PCDH9: variants seen among roughly 807,000 people sequenced by gnomAD.
The protein encoded by PCDH9 is protocadherin 9, also known as protocadherin-9.
PCDH9 carries 24 observed loss-of-function variants against 70.6 expected under a neutral mutation model. That is an observed-to-expected ratio of 0.34 (90% CI 0.25 to 0.48). PCDH9 has a LOEUF of 0.48. Among genes scored for constraint, PCDH9 ranks in the 20% least tolerant of loss-of-function variants. PCDH9 has a pLI of 0.99. For synonymous variants in PCDH9, 562 were observed against 558.5 expected (o/e 1.01, Z -0.09); for missense variants, 1,281 against 1,503.6 (o/e 0.85, Z 2.45).
intron 3 of PCDH9, among the ~76,000 whole-genome samples, chr13:66,660,765 TATC>T (rs1021845547): frequency 2.7e-5 from 4 of 149,722 alleles, no homozygotes; most frequent in South Asian, 2.1e-4. Flanking sequence ...TCAGTTTAAA[TATC>T]ATATTTAACA....
chr13:66,330,124 A>G lies in PCDH9; in HGVS notation c.3341-25096T>C, dbSNP rs544733772. Among the ~76,000 whole-genome samples the G allele has an allele frequency of 1.2e-4, 18 of 152,300 alleles. 1 individual carries two copies. The highest frequency in any genetic ancestry group is 4.1e-4 in the African/African-American group (17 of 41,578). On this transcript the variant is annotated intron_variant, in intron 4 of 4. Coordinates refer to ENST00000377865, the MANE Select transcript of PCDH9 (RefSeq NM_203487.3). ...TTGCACTCCACCACTTCATTCCCTT[A>G]CATGCCACTTGCACATGGCATGAAT...
chr13:66,980,602 T>A (rs1236218431), intron 2 of PCDH9, among the ~76,000 whole-genome samples: 5 of 152,008 alleles, frequency 3.3e-5, no homozygotes, highest in Admixed American at 3.3e-4. Context: ...TATGTTTTTA[T>A]TTTTCCATTA....
intron 4 of PCDH9, among the ~76,000 whole-genome samples, chr13:66,470,060 C>T (rs545104672): frequency 3.3e-5 from 5 of 152,258 alleles, no homozygotes; most frequent in African/African-American, 1.2e-4. Flanking sequence ...TCCTTTTCTT[C>T]TCTGTGCTTT....
At chr13:66,447,388 A>G (rs1352691685) in intron 4 of PCDH9, among the ~76,000 whole-genome samples, 3 of 152,082 alleles carry the variant, frequency 2.0e-5, no homozygotes, top group African/African-American at 7.2e-5. Flanking sequence ...TGCTTCAAAA[A>G]ATATAACTGG....
chr13:66,413,558 C>T (rs188769798), intron 4 of PCDH9, among the ~76,000 whole-genome samples: 2,401 of 151,798 alleles, frequency 0.016, 53 homozygotes, highest in African/African-American at 0.047. Flanking sequence ...TGGTGGTGGG[C>T]GCCTGTAGTC....
chr13:66,853,677 T>TA (rs1337715704), intron 3 of PCDH9, among the ~76,000 whole-genome samples: 1 of 152,096 alleles, frequency 6.6e-6, no homozygotes, highest in Non-Finnish European at 1.5e-5. Context: ...TGTGTTTATA[T>TA]AGAAAATTTC....
chr13:67,177,329 GA>G (rs1167652321), intron 2 of PCDH9, among the ~76,000 whole-genome samples: 1 of 151,860 alleles, frequency 6.6e-6, no homozygotes, highest in Non-Finnish European at 1.5e-5. Context: ...CAATTTTCTT[GA>G]AAAAACTCTT....
At chr13:66,379,193 C>T (rs1032675894) in intron 4 of PCDH9, among the ~76,000 whole-genome samples, 1 of 152,160 alleles carries the variant, frequency 6.6e-6, no homozygotes, top group African/African-American at 2.4e-5. Context: ...CACCTCTCTC[C>T]GGCCATCTGT....
intron 3 of PCDH9, among the ~76,000 whole-genome samples, chr13:66,875,502 A>G (rs2081790031): frequency 1.3e-5 from 2 of 152,326 alleles, no homozygotes; most frequent in Middle Eastern, 3.4e-3. Context: ...CATACAAAGC[A>G]CAGAGGTAAA....
At chr13:66,401,333 G>A (rs1468552513) in intron 4 of PCDH9, among the ~76,000 whole-genome samples, 2 of 146,440 alleles carry the variant, frequency 1.4e-5, no homozygotes, top group Non-Finnish European at 3.0e-5. Context: ...GTTATCATGG[G>A]ATCTGATGGT....
rs184438542 is a variant in PCDH9, at chr13:66,668,073, G to C, written c.3139-36662C>G. On this transcript the variant is annotated intron_variant, in intron 3 of 4. Transcript: ENST00000377865. ...GAAACAATATGAGCTTCAGGAGCTT[G>C]GGAATTACTTATTTGTTTCTCTGTC... is the stretch of plus-strand genomic sequence containing the variant. 2.4e-4 allele frequency among the ~76,000 whole-genome samples: 37 copies of C among 152,234 alleles called. 1 individual carries two copies. In the East Asian group the frequency reaches 5.6e-3, roughly 23 times the overall value.
intron 2 of PCDH9, among the ~76,000 whole-genome samples, chr13:67,084,010 A>AC (rs1471340251): frequency 1.3e-5 from 2 of 152,104 alleles, no homozygotes; most frequent in Admixed American, 6.6e-5. Flanking sequence ...GGATTTTGGG[A>AC]CCCCCAAACA....
chr13:66,738,673 G>A (rs1482336148), intron 3 of PCDH9, among the ~76,000 whole-genome samples: 2 of 147,990 alleles, frequency 1.4e-5, no homozygotes, highest in Non-Finnish European at 1.5e-5. Flanking sequence ...GAAAACCAAG[G>A]CTCGAGAACT....
chr13:66,908,029 T>A (rs2082392610), intron 2 of PCDH9, among the ~76,000 whole-genome samples: 2 of 152,188 alleles, frequency 1.3e-5, no homozygotes, highest in Admixed American at 1.3e-4. Flanking sequence ...AGAACATTTG[T>A]TTAATAATTC....
At chr13:66,578,253 T>C (rs941313075) in intron 4 of PCDH9, among the ~76,000 whole-genome samples, 1 of 152,072 alleles carries the variant, frequency 6.6e-6, no homozygotes, top group Admixed American at 6.6e-5. Flanking sequence ...ATCTTCCTAT[T>C]TGAATGTGAT....
intron 2 of PCDH9, among the ~76,000 whole-genome samples, chr13:67,062,031 A>G (rs552609639): frequency 6.6e-6 from 1 of 152,302 alleles, no homozygotes; most frequent in East Asian, 1.9e-4. Context: ...GAAAAAGAGT[A>G]AAGTACTCTA....
intron 2 of PCDH9, among the ~76,000 whole-genome samples, chr13:67,138,018 G>T (rs1192899068): frequency 6.6e-6 from 1 of 152,060 alleles, no homozygotes; most frequent in Non-Finnish European, 1.5e-5. Flanking sequence ...GAGAGAAAGA[G>T]ATTTTTTACC....
At chr13:66,519,905 A>G (rs1959911602) in intron 4 of PCDH9, among the ~76,000 whole-genome samples, 1 of 152,094 alleles carries the variant, frequency 6.6e-6, no homozygotes, top group Admixed American at 6.6e-5. Flanking sequence ...CAGAATCTAC[A>G]CTTTTATATT....
chr13:67,080,778 A>G (rs745354210), intron 2 of PCDH9, among the ~76,000 whole-genome samples: 5 of 152,220 alleles, frequency 3.3e-5, no homozygotes, highest in Non-Finnish European at 7.3e-5. Context: ...AAACAAATAC[A>G]ACCAATGCTC....
Sources: gnomAD v4.1 joint callset for allele counts (sites outside exome capture counted in the v4.1 genomes callset) on GRCh38, gnomAD v4.1.1 for gene constraint, MANE v1.5 for transcripts, NCBI Gene and HGNC (gene_info 2026-07-23, HGNC 2026-07-21) for gene names.